Variants in SPAG17 observed in about 807,000 individuals in gnomAD.
The protein encoded by SPAG17 is sperm-associated antigen 17.
A neutral mutation model predicts 273.6 loss-of-function variants in SPAG17; 169 were observed. That is an observed-to-expected ratio of 0.62 (90% CI 0.55 to 0.70). The LOEUF is 0.70. Ranked by LOEUF, SPAG17 falls within the 30% of genes least tolerant of loss-of-function variation. The pLI, the probability that SPAG17 is intolerant of heterozygous loss-of-function variation, is 0.00. For synonymous variants in SPAG17, 825 were observed against 873.2 expected, an observed-to-expected ratio of 0.94 and a Z score of 0.97; for missense variants, 2,557 against 2,627.8, an observed-to-expected ratio of 0.97 and a Z score of 0.59.
intron 6 of SPAG17, among the ~76,000 whole-genome samples, chr1:118,098,321 C>G (rs2102211368): frequency 6.6e-6 from 1 of 152,162 alleles, no homozygotes; most frequent in Non-Finnish European, 1.5e-5. Context: ...ACCTTTTGGT[C>G]ACATTAAATA....
In SPAG17 at chr1:118,069,344, C is replaced by CAAAAAA. The variant is rs563980015; in HGVS notation, c.2386-2451_2386-2446dup. On this transcript the variant is annotated intron_variant, in intron 17 of 48. Transcript: ENST00000336338. Reference sequence around the variant, plus strand: ...TAAGCGACAGAGTGAGACTCCGTCTCAAAAAAAAAAAAAAGTGGTGGTAGC... The same window carrying CAAAAAA: ...TAAGCGACAGAGTGAGACTCCGTCTCAAAAAAAAAAAAAAAAAAAAGTGGTGGTAGC... 2.1e-4 allele frequency among the ~76,000 whole-genome samples: 18 copies of CAAAAAA among 86,154 alleles called. No individual in the cohort carries two copies. The South Asian group carries it at 2.6e-3, about 12-fold the overall frequency. The allele number at this position is 86,154 out of a possible 152,430, so 56.5% of individuals were successfully genotyped here.
chr1:118,044,683 T>G (rs1400898583), intron 20 of SPAG17, among the ~76,000 whole-genome samples: 1 of 152,028 alleles, frequency 6.6e-6, no homozygotes, highest in East Asian at 1.9e-4. Flanking sequence ...TGGGAGGTGA[T>G]TGGATCATGG....
chr1:118,001,596 G>A (rs969699459), intron 32 of SPAG17, among the ~76,000 whole-genome samples: 1 of 152,156 alleles, frequency 6.6e-6, no homozygotes, highest in Non-Finnish European at 1.5e-5. Context: ...AGATTTTCTA[G>A]TTTATTTGCA....
Position 117,974,355 on chromosome 1 carries a change from A to G in SPAG17, c.6005-794T>C, listed in dbSNP as rs368009967. On this transcript the variant is annotated intron_variant, in intron 43 of 48. Transcript: ENST00000336338. ...AACAACCGTATAAGGTGGGCAGTAC[A>G]GATGCTATTAGCATCTTTTTTTTAA... is the stretch of plus-strand genomic sequence containing the variant. Among the ~76,000 whole-genome samples, 5 of 152,230 alleles carry G rather than the reference A, an allele frequency of 3.3e-5. No individual in the cohort carries two copies. In the East Asian group the frequency reaches 5.8e-4, roughly 18 times the overall value.
chr1:117,995,376 G>C (rs545927109), intron 34 of SPAG17, among the ~76,000 whole-genome samples: 58 of 152,100 alleles, frequency 3.8e-4, no homozygotes, highest in African/African-American at 1.3e-3. Flanking sequence ...CTGAAACAGG[G>C]TCCATGCCTG....
At chr1:118,037,375 G>A (rs1649201087) in intron 23 of SPAG17, among the ~76,000 whole-genome samples, 1 of 151,988 alleles carries the variant, frequency 6.6e-6, no homozygotes, top group Non-Finnish European at 1.5e-5. Context: ...TAGGTTTAGG[G>A]GGTACCTGTG....
At chr1:118,053,073 A>G (rs1293693988) in intron 20 of SPAG17, among the ~76,000 whole-genome samples, 1 of 152,016 alleles carries the variant, frequency 6.6e-6, no homozygotes, top group Non-Finnish European at 1.5e-5. Flanking sequence ...GAAACAATGG[A>G]TGAGTTTTTT....
chr1:118,122,217 G>T (rs1182938150), intron 3 of SPAG17, among the ~76,000 whole-genome samples: 1 of 151,920 alleles, frequency 6.6e-6, no homozygotes, highest in Non-Finnish European at 1.5e-5. Context: ...AGGCTGTTTA[G>T]ATGGGCCCGA....
chr1:117,983,721 G>T, intron 42 of SPAG17, 90 bp downstream of exon 42: 1 of 750,066 alleles, frequency 1.3e-6, no homozygotes, highest in Non-Finnish European at 2.1e-6. Flanking sequence ...TATGTCATCA[G>T]CTATCACTGG....
chr1:117,994,314 T>C lies in SPAG17; in HGVS notation c.5178+92A>G, dbSNP rs145590258. 769 of 1,284,856 alleles carry C rather than the reference T, an allele frequency of 6.0e-4. 6 individuals are homozygous for C. In the African/African-American group the frequency reaches 7.6e-3, roughly 13 times the overall value. 79.6% of individuals were successfully genotyped at this position (1,284,856 alleles called of 1,614,324 possible). A position where few individuals can be genotyped will look rare whatever the true frequency, so the allele number is the denominator to read the frequency against. On this transcript the variant is annotated intron_variant, in intron 35 of 48. Transcript: ENST00000336338. ...AAATTTACATAAGAATGAAAATATA[T>C]GAATATATGGGAGAAGACTTAAGAC...
chr1:117,975,484 A>C (rs1655032857), intron 43 of SPAG17, among the ~76,000 whole-genome samples: 1 of 152,148 alleles, frequency 6.6e-6, no homozygotes, highest in Admixed American at 6.5e-5. Flanking sequence ...CCAAAGGGGA[A>C]ACAGAGGATC....
chr1:117,983,864 T>C lies in SPAG17; in HGVS notation c.5819A>G (p.Lys1940Arg). Residue 1940 changes from lysine to arginine, a missense_variant, in exon 42 of 49, where the codon AAA (lysine) becomes AGA (arginine). By Grantham distance (26) the Lys-to-Arg change is conservative. Coordinates refer to ENST00000336338, the MANE Select transcript of SPAG17 (RefSeq NM_206996.4). Reference sequence around the variant, plus strand: ...AGCTGTTTCGTTTGCATCTTCATTTTTCTTTGTAAAAGAAGGCAGTTTTTT... The same window carrying C: ...AGCTGTTTCGTTTGCATCTTCATTTCTCTTTGTAAAAGAAGGCAGTTTTTT... ...LSKKLPSFTK[K>R]NEDANETAVQ... 6.2e-7 allele frequency: 1 copy of C among 1,613,118 alleles called. No homozygotes were observed. Among genetic ancestry groups the C allele is most frequent in the Non-Finnish European group, 8.5e-7 (1 of 1,179,476 alleles).
At chr1:117,975,481 GGAAACAGA>G (rs1655032582) in intron 43 of SPAG17, among the ~76,000 whole-genome samples, 1 of 152,108 alleles carries the variant, frequency 6.6e-6, no homozygotes, top group Non-Finnish European at 1.5e-5. Context: ...TTACCAAAGG[GGAAACAGA>G]GGATCAGAGG....
chr1:118,011,775 C>G (rs570013496), intron 30 of SPAG17, among the ~76,000 whole-genome samples: 1 of 151,920 alleles, frequency 6.6e-6, no homozygotes, highest in Non-Finnish European at 1.5e-5. Context: ...CACACACACA[C>G]AGTGAGGAGT....
intron 3 of SPAG17, among the ~76,000 whole-genome samples, chr1:118,119,412 G>C (rs1657288852): frequency 6.6e-6 from 1 of 152,206 alleles, no homozygotes; most frequent in African/African-American, 2.4e-5. Context: ...GTGAAGCAGA[G>C]AGAAGAGGGG....
At chr1:117,976,332 C>T (rs1289617855) in intron 43 of SPAG17, among the ~76,000 whole-genome samples, 1 of 152,176 alleles carries the variant, frequency 6.6e-6, no homozygotes, top group Admixed American at 6.5e-5. Context: ...TACTGCTGGA[C>T]CTGAGCCGAG....
intron 1 of SPAG17, among the ~76,000 whole-genome samples, chr1:118,156,160 A>G (rs1659638211): frequency 6.6e-6 from 1 of 152,238 alleles, no homozygotes; most frequent in African/African-American, 2.4e-5. Flanking sequence ...ACTTAATTAG[A>G]TAATACTGTT....
intron 3 of SPAG17, among the ~76,000 whole-genome samples, chr1:118,142,220 A>T (rs1658719462): frequency 6.6e-6 from 1 of 152,248 alleles, no homozygotes; most frequent in African/African-American, 2.4e-5. Flanking sequence ...CAAACCAGGC[A>T]CAACAAGACA....
At chr1:118,051,859 A>G (rs1407417743) in intron 20 of SPAG17, among the ~76,000 whole-genome samples, 2 of 135,596 alleles carry the variant, frequency 1.5e-5, no homozygotes, top group Non-Finnish European at 3.1e-5. Flanking sequence ...ATAATATATA[A>G]TATGTACTAT....
Sources: allele counts gnomAD v4.1 joint callset (sites outside exome capture counted in the v4.1 genomes callset), GRCh38; gene constraint gnomAD v4.1.1; transcripts MANE v1.5; gene names NCBI Gene and HGNC (gene_info 2026-07-23, HGNC 2026-07-21).